The following NOL4 variants were observed in gnomAD, a reference collection of about 807,000 sequenced individuals.
NOL4 encodes the protein nucleolar protein 4, also known as cancer/testis antigen 125.
NOL4 carries 17 observed loss-of-function variants against 75.9 expected under a neutral mutation model. The ratio of observed to expected loss-of-function variants is 0.22; its 90% CI spans 0.15 to 0.34. NOL4 has a LOEUF of 0.34. NOL4 is among the 10% of genes least tolerant of loss of function. The probability of loss-of-function intolerance (pLI) is 1.00; values close to 1 mark genes in which losing one functional copy is unlikely to be tolerated. For missense variants in NOL4, 614 were observed against 793.5 expected (o/e 0.77, Z 2.72); for synonymous variants, 292 against 289.9 (o/e 1.01, Z -0.07).
At chr18:34,117,851 C>A (rs537015572) in intron 2 of NOL4, among the ~76,000 whole-genome samples, 1 of 152,094 alleles carries the variant, frequency 6.6e-6, no homozygotes, top group Non-Finnish European at 1.5e-5. Context: ...AGCTAATGTG[C>A]GAGCTGAAAT....
chr18:34,002,554 G>T (rs985138923), intron 6 of NOL4, among the ~76,000 whole-genome samples: 1 of 151,898 alleles, frequency 6.6e-6, no homozygotes, highest in African/African-American at 2.4e-5. Context: ...AATGAACAGC[G>T]TGACCCAACC....
intron 5 of NOL4, among the ~76,000 whole-genome samples, chr18:34,077,532 C>T (rs890006575): frequency 2.6e-5 from 4 of 151,756 alleles, no homozygotes; most frequent in African/African-American, 9.7e-5. Context: ...GTACTTAATT[C>T]CCACAAAGCA....
chr18:33,938,842 G>A (rs1039354623), intron 9 of NOL4, among the ~76,000 whole-genome samples: 4 of 152,184 alleles, frequency 2.6e-5, no homozygotes, highest in East Asian at 3.9e-4. Flanking sequence ...TAGTCATGAA[G>A]TCTTTGTCCA....
intron 1 of NOL4, among the ~76,000 whole-genome samples, chr18:34,175,949 A>G (rs905060635): frequency 1.3e-5 from 2 of 152,162 alleles, no homozygotes; most frequent in African/African-American, 4.8e-5. Flanking sequence ...CAAAGGAACA[A>G]GAAAGTATGT....
intron 8 of NOL4, among the ~76,000 whole-genome samples, chr18:33,956,044 G>C (rs943000578): frequency 6.6e-6 from 1 of 151,956 alleles, no homozygotes; most frequent in Admixed American, 6.6e-5. Context: ...GCAAATTCAG[G>C]AAACAAAAAA....
intron 6 of NOL4, among the ~76,000 whole-genome samples, chr18:33,984,276 A>T (rs1026608513): frequency 6.6e-6 from 1 of 152,140 alleles, no homozygotes; most frequent in Non-Finnish European, 1.5e-5. Context: ...ATCTTACCCT[A>T]GGGTCAAATA....
At chr18:33,989,324 G>C (rs2072742310) in intron 6 of NOL4, among the ~76,000 whole-genome samples, 1 of 151,778 alleles carries the variant, frequency 6.6e-6, no homozygotes, top group Non-Finnish European at 1.5e-5. Flanking sequence ...TTGAATGGTG[G>C]CATTTGTTAA....
intron 6 of NOL4, among the ~76,000 whole-genome samples, chr18:33,986,115 T>G (rs575564639): frequency 2.0e-4 from 31 of 152,244 alleles, no homozygotes; most frequent in African/African-American, 6.0e-4. Flanking sequence ...GATACGAACT[T>G]TCTAATTATG....
At chr18:34,205,785 C>T (rs1209906260) in intron 1 of NOL4, among the ~76,000 whole-genome samples, 1 of 152,002 alleles carries the variant, frequency 6.6e-6, no homozygotes, top group African/African-American at 2.4e-5. Context: ...CTATATGGAC[C>T]ATCCTTGAAT....
chr18:34,024,214 TAA>T (rs1491113877), intron 5 of NOL4, among the ~76,000 whole-genome samples: 5 of 130,760 alleles, frequency 3.8e-5, no homozygotes, highest in African/African-American at 1.4e-4. Flanking sequence ...TATATATATA[TAA>T]AATCCTCATT....
chr18:33,851,444 T>C lies in NOL4; in HGVS notation c.*1398A>G, dbSNP rs550182852. The C allele has an allele frequency of 1.3e-5, 2 of 152,614 alleles. No individual in the cohort carries two copies. The highest frequency in any genetic ancestry group is 4.1e-4 in the South Asian group (2 of 4,826). The allele number at this position is 152,614 out of a possible 1,614,324, so 9.5% of individuals were successfully genotyped here. On this transcript the variant is annotated 3_prime_UTR_variant, in exon 11 of 11. Coordinates refer to ENST00000261592, the MANE Select transcript of NOL4 (RefSeq NM_003787.5). Reference sequence around the variant, plus strand: ...CAGTCATTACTTGAAAAACTATATGTAACAAGTAGATAAGAAATATCACTG... The same window carrying C: ...CAGTCATTACTTGAAAAACTATATGCAACAAGTAGATAAGAAATATCACTG...
intron 8 of NOL4, among the ~76,000 whole-genome samples, chr18:33,950,695 C>T (rs184639794): frequency 6.6e-6 from 1 of 152,186 alleles, no homozygotes; most frequent in African/African-American, 2.4e-5. Context: ...AGATGTACCA[C>T]AAAGTACAAT....
At chr18:34,216,069 T>C (rs2036865869) in intron 1 of NOL4, among the ~76,000 whole-genome samples, 1 of 152,200 alleles carries the variant, frequency 6.6e-6, no homozygotes, top group South Asian at 2.1e-4. Flanking sequence ...CCTGTGTTGT[T>C]CAAGGATCAA....
intron 6 of NOL4, among the ~76,000 whole-genome samples, chr18:34,015,271 CT>C (rs1600255477): frequency 6.6e-6 from 1 of 151,986 alleles, no homozygotes; most frequent in East Asian, 1.9e-4. Context: ...AATGATTCTG[CT>C]TTCCTATCTC....
intron 10 of NOL4, among the ~76,000 whole-genome samples, chr18:33,862,291 A>T (rs1297370565): frequency 1.3e-5 from 2 of 152,158 alleles, no homozygotes; most frequent in Non-Finnish European, 2.9e-5. Context: ...AAAGACTTAA[A>T]CGTTAGACCT....
intron 9 of NOL4, among the ~76,000 whole-genome samples, chr18:33,934,056 C>T (rs1171118369): frequency 2.6e-5 from 4 of 152,100 alleles, no homozygotes; most frequent in African/African-American, 9.7e-5. Context: ...GGTTAGCAGG[C>T]ATAAAAACAA....
intron 1 of NOL4, among the ~76,000 whole-genome samples, chr18:34,216,585 C>T (rs1281252985): frequency 6.7e-6 from 1 of 149,794 alleles, no homozygotes; most frequent in Non-Finnish European, 1.5e-5. Context: ...TATCAACAAC[C>T]CTGACAACAC....
intron 2 of NOL4, among the ~76,000 whole-genome samples, chr18:34,128,445 C>T (rs1248301979): frequency 6.6e-6 from 1 of 151,832 alleles, no homozygotes; most frequent in Non-Finnish European, 1.5e-5. Context: ...ATTAGTAGAT[C>T]AATATACATT....
intron 9 of NOL4, among the ~76,000 whole-genome samples, chr18:33,910,341 CG>C (rs1371265386): frequency 6.6e-6 from 1 of 152,058 alleles, no homozygotes; most frequent in East Asian, 1.9e-4. Flanking sequence ...TGAAACACAC[CG>C]ACAAGAGTCT....
Sources: allele counts gnomAD v4.1 joint callset (sites outside exome capture counted in the v4.1 genomes callset), GRCh38; gene constraint gnomAD v4.1.1; transcripts MANE v1.5; gene names NCBI Gene and HGNC (gene_info 2026-07-23, HGNC 2026-07-21).